PDE4D: variants seen among roughly 807,000 people sequenced by gnomAD.
PDE4D encodes 3',5'-cyclic-AMP phosphodiesterase 4D.
A neutral mutation model predicts 87.4 loss-of-function variants in PDE4D; 24 were observed. The ratio of observed to expected loss-of-function variants is 0.27; its 90% CI spans 0.20 to 0.39. The LOEUF (loss-of-function observed/expected upper bound fraction) is 0.39, where lower values mean the gene tolerates loss of function less well. Ranked by LOEUF, PDE4D falls within the 10% of genes least tolerant of loss-of-function variation. The probability of loss-of-function intolerance (pLI) is 1.00; values close to 1 mark genes in which losing one functional copy is unlikely to be tolerated. For synonymous variants in PDE4D, 384 were observed against 383.2 expected (o/e 1.00, Z -0.02); for missense variants, 714 against 1,041.0 (o/e 0.69, Z 4.32).
intron 5 of PDE4D, among the ~76,000 whole-genome samples, chr5:59,163,507 G>A (rs1285532045): frequency 6.6e-6 from 1 of 152,100 alleles, no homozygotes; most frequent in Non-Finnish European, 1.5e-5. Context: ...CTGACCTCAG[G>A]TGATCCGCCC....
intron 1 of PDE4D, among the ~76,000 whole-genome samples, chr5:59,330,773 A>G (rs1170404624): frequency 6.6e-6 from 1 of 152,158 alleles, no homozygotes; most frequent in Non-Finnish European, 1.5e-5. Context: ...TGTTTCAGCT[A>G]CTTACAAGAA....
intron 1 of PDE4D, among the ~76,000 whole-genome samples, chr5:59,381,078 A>T (rs1000454603): frequency 7.9e-5 from 12 of 152,092 alleles, no homozygotes; most frequent in African/African-American, 2.9e-4. Flanking sequence ...TGATAATTAG[A>T]TTGGATGCCA....
At chr5:60,236,802 G>A (rs1746479992) in intron 1 of PDE4D, among the ~76,000 whole-genome samples, 1 of 151,952 alleles carries the variant, frequency 6.6e-6, no homozygotes, top group Admixed American at 6.6e-5. Flanking sequence ...AGGAATATGA[G>A]TAGAGCCTAG....
At chr5:59,718,045 A>G (rs1046949905) in intron 1 of PDE4D, among the ~76,000 whole-genome samples, 7 of 152,166 alleles carry the variant, frequency 4.6e-5, no homozygotes, top group African/African-American at 2.4e-5. Flanking sequence ...ACTGCCCACA[A>G]TCTAGTGTTA....
chr5:59,667,290 T>C (rs1180390879), intron 1 of PDE4D, among the ~76,000 whole-genome samples: 1 of 152,112 alleles, frequency 6.6e-6, no homozygotes, highest in Non-Finnish European at 1.5e-5. Flanking sequence ...TGTGTTTTGC[T>C]GTGTTGCGTT....
chr5:60,384,955 C>A (rs1205751092), intron 1 of PDE4D, among the ~76,000 whole-genome samples: 1 of 152,206 alleles, frequency 6.6e-6, no homozygotes, highest in Non-Finnish European at 1.5e-5. Flanking sequence ...CAAACCTAAA[C>A]CTTGAATCAT....
At chr5:59,538,276 G>C (rs183530200) in intron 1 of PDE4D, among the ~76,000 whole-genome samples, 1 of 152,250 alleles carries the variant, frequency 6.6e-6, no homozygotes, top group East Asian at 1.9e-4. Flanking sequence ...GAAAAAGCAT[G>C]AGAAGTATTT....
At chr5:59,986,113 A>C (rs1762438766) in intron 3 of PDE4D, among the ~76,000 whole-genome samples, 1 of 148,682 alleles carries the variant, frequency 6.7e-6, no homozygotes, top group Non-Finnish European at 1.5e-5. Flanking sequence ...GTGCAGTGGC[A>C]GGATCTTGAC....
At chr5:59,592,868 C>T (rs1826103620) in intron 1 of PDE4D, among the ~76,000 whole-genome samples, 1 of 151,974 alleles carries the variant, frequency 6.6e-6, no homozygotes. Context: ...CTGCCTTTTA[C>T]TTTTTGTGTA....
chr5:59,400,509 C>G (rs1440419752), intron 1 of PDE4D, among the ~76,000 whole-genome samples: 1 of 142,036 alleles, frequency 7.0e-6, no homozygotes, highest in South Asian at 2.3e-4. Flanking sequence ...CGCATATTCT[C>G]ACTCATAGGT....
At chr5:60,251,683 G>A (rs1452397338) in intron 1 of PDE4D, among the ~76,000 whole-genome samples, 1 of 151,832 alleles carries the variant, frequency 6.6e-6, no homozygotes, top group Non-Finnish European at 1.5e-5. Flanking sequence ...ATGACTACCT[G>A]TGTCTTTATG....
intron 11 of PDE4D, among the ~76,000 whole-genome samples, chr5:58,982,974 G>GT (rs1231072974): frequency 1.3e-5 from 2 of 152,198 alleles, no homozygotes; most frequent in Non-Finnish European, 2.9e-5. Context: ...TTTCTCACCA[G>GT]TTTTCCAATC....
At chr5:59,796,633 T>C (rs905297681) in intron 1 of PDE4D, among the ~76,000 whole-genome samples, 1 of 152,244 alleles carries the variant, frequency 6.6e-6, no homozygotes, top group African/African-American at 2.4e-5. Context: ...AATTGCCTTA[T>C]TAAAAAAATT....
intron 1 of PDE4D, among the ~76,000 whole-genome samples, chr5:59,811,397 A>G (rs1391809562): frequency 2.0e-5 from 3 of 152,216 alleles, no homozygotes; most frequent in African/African-American, 7.2e-5. Context: ...CCACAGATTT[A>G]TTCTTTCTCA....
At chr5:59,383,527 G>A (rs1229054661) in intron 1 of PDE4D, among the ~76,000 whole-genome samples, 1 of 151,998 alleles carries the variant, frequency 6.6e-6, no homozygotes, top group Non-Finnish European at 1.5e-5. Context: ...CTTCTAAGAC[G>A]CTACACAATG....
chr5:59,258,630 T>G (rs867395096), intron 1 of PDE4D, among the ~76,000 whole-genome samples: 1 of 149,484 alleles, frequency 6.7e-6, no homozygotes, highest in Non-Finnish European at 1.5e-5. Context: ...CTCTAAGAAC[T>G]GAGATACATT....
chr5:59,008,052 A>G (rs58940834), intron 6 of PDE4D, among the ~76,000 whole-genome samples: 15,655 of 151,956 alleles, frequency 0.1, 1,260 homozygotes, highest in East Asian at 0.47. Flanking sequence ...TATATGGTAG[A>G]GACAGAGTTT....
At chr5:59,087,439 T>C (rs1037444587) in intron 5 of PDE4D, among the ~76,000 whole-genome samples, 14 of 152,080 alleles carry the variant, frequency 9.2e-5, no homozygotes, top group Non-Finnish European at 1.3e-4. Context: ...TGAGCCATGA[T>C]TGCCACTGCT....
intron 1 of PDE4D, among the ~76,000 whole-genome samples, chr5:59,348,229 T>G (rs1779914965): frequency 6.6e-6 from 1 of 152,180 alleles, no homozygotes; most frequent in Admixed American, 6.5e-5. Context: ...TATTCAAAAC[T>G]CATAACTTCT....
Sources: gnomAD v4.1 joint callset for allele counts (sites outside exome capture counted in the v4.1 genomes callset) on GRCh38, gnomAD v4.1.1 for gene constraint, MANE v1.5 for transcripts, NCBI Gene and HGNC (gene_info 2026-07-23, HGNC 2026-07-21) for gene names.